The following HIVEP3 variants were observed in gnomAD, a reference collection of about 807,000 sequenced individuals.
HIVEP3 encodes HIVEP zinc finger 3.
A neutral mutation model predicts 152.8 loss-of-function variants in HIVEP3; 49 were observed. The observed-to-expected ratio is 0.32, with a 90% CI of 0.26 to 0.41. The LOEUF (loss-of-function observed/expected upper bound fraction) is 0.41. Ranked by LOEUF, HIVEP3 falls within the 10% of genes least tolerant of loss-of-function variation. HIVEP3 has a pLI of 1.00. For synonymous variants in HIVEP3, 1,269 were observed against 1,289.0 expected (o/e 0.98, Z 0.33); for missense variants, 2,790 against 3,103.3 (o/e 0.90, Z 2.40).
At chr1:41,551,830 G>A (rs1426882478) in intron 5 of HIVEP3, among the ~76,000 whole-genome samples, 8 of 151,974 alleles carry the variant, frequency 5.3e-5, no homozygotes, top group Non-Finnish European at 7.4e-5. Flanking sequence ...AAAACACCAG[G>A]TCCTGGATTC....
rs1354052617 is a variant in HIVEP3, at chr1:41,533,299, G to T, written c.5208-8389C>A. On this transcript the variant is annotated intron_variant, in intron 5 of 8. Transcript: ENST00000372583. The surrounding 1 kb of genome is among the most constrained non-coding windows in gnomAD (Gnocchi z 4.3). Reference sequence around the variant, plus strand: ...GGGTCCAGCTCCTCCTGCGGTGCCAGAGCCCACCCCACCCACTGTCCTCTC... The same window carrying T: ...GGGTCCAGCTCCTCCTGCGGTGCCATAGCCCACCCCACCCACTGTCCTCTC... Among the ~76,000 whole-genome samples, 1 of 152,068 alleles carries T rather than the reference G, an allele frequency of 6.6e-6. No individual in the cohort carries two copies. Among genetic ancestry groups the T allele is most frequent in the Non-Finnish European group, 1.5e-5 (1 of 68,016 alleles).
chr1:41,853,208 T>C (rs1643652692), intron 1 of HIVEP3, among the ~76,000 whole-genome samples: 1 of 152,200 alleles, frequency 6.6e-6, no homozygotes, highest in African/African-American at 2.4e-5. Flanking sequence ...GTTGCTATGA[T>C]GTAATGAGGG....
At chr1:41,769,431 GGGCACATCCCAT>G (rs1570496559) in intron 1 of HIVEP3, among the ~76,000 whole-genome samples, 1 of 152,082 alleles carries the variant, frequency 6.6e-6, no homozygotes, top group East Asian at 1.9e-4. Context: ...AAGAAATCTA[GGGCACATCCCAT>G]GATGTTTTCC....
chr1:41,529,258 T>C, intron 5 of HIVEP3, among the ~76,000 whole-genome samples: 1 of 76,824 alleles, frequency 1.3e-5, no homozygotes, highest in Non-Finnish European at 2.4e-5. Flanking sequence ...ACACTTACCT[T>C]CACACTCACA....
chr1:41,845,845 T>G (rs1292322029), intron 1 of HIVEP3, among the ~76,000 whole-genome samples: 2 of 152,152 alleles, frequency 1.3e-5, no homozygotes, highest in Admixed American at 6.5e-5. Flanking sequence ...GGCAGGTGGA[T>G]CACCTGAGGT....
At chr1:41,727,483 C>A (rs1434718568) in intron 1 of HIVEP3, among the ~76,000 whole-genome samples, 1 of 152,196 alleles carries the variant, frequency 6.6e-6, no homozygotes, top group Non-Finnish European at 1.5e-5. Flanking sequence ...TGGGGGGACA[C>A]TGCCAGACGG....
intron 1 of HIVEP3, among the ~76,000 whole-genome samples, chr1:41,828,941 C>T (rs986141805): frequency 6.6e-6 from 1 of 152,240 alleles, no homozygotes; most frequent in African/African-American, 2.4e-5. Flanking sequence ...TCAGAATTTA[C>T]AGTAAAAATC....
At position 41,518,464 on chromosome 1, in the gene HIVEP3, G is replaced by A. The variant is rs1642670724; in HGVS notation, c.5408C>T (p.Ser1803Leu). The A allele has an allele frequency of 2.5e-6, 4 of 1,614,146 alleles. No homozygotes were observed. Among genetic ancestry groups the A allele is most frequent in the Non-Finnish European group, 3.4e-6 (4 of 1,179,972 alleles). ...TKGNLTKHMK[S>L]KAHSKKCQET... is the part of the protein sequence containing the mutation. ...TTGGCACTTTTTGCTGTGGGCCTTC[G>A]ACTTCATGTGCTTAGTCAGATTCCC... is the stretch of plus-strand genomic sequence containing the variant. The change falls in exon 7 of 9, where the codon TCG becomes TTG. Residue 1803 changes from serine (S) to leucine (L), a missense_variant. By Grantham distance (145) the Ser-to-Leu change is moderately radical. Coordinates refer to ENST00000372583, the MANE Select transcript of HIVEP3 (RefSeq NM_024503.5).
intron 1 of HIVEP3, among the ~76,000 whole-genome samples, chr1:41,780,177 T>C (rs1338448740): frequency 6.9e-6 from 1 of 144,260 alleles, no homozygotes; most frequent in African/African-American, 2.6e-5. Context: ...GGTCTCAAAG[T>C]GGGGGCCAAG....
At chr1:41,674,335 A>G (rs1297483414) in intron 2 of HIVEP3, among the ~76,000 whole-genome samples, 2 of 152,236 alleles carry the variant, frequency 1.3e-5, no homozygotes, top group East Asian at 3.8e-4. Flanking sequence ...TGTTTTGTGG[A>G]CACAAGGGAT....
chr1:41,971,226 A>G (rs1048597028), intron 1 of HIVEP3, among the ~76,000 whole-genome samples: 1 of 152,196 alleles, frequency 6.6e-6, no homozygotes, highest in Admixed American at 6.5e-5. Flanking sequence ...CACTTGGACC[A>G]CAGTAATCTG....
chr1:41,574,969 C>T (rs749480258), intron 5 of HIVEP3, among the ~76,000 whole-genome samples: 69 of 152,196 alleles, frequency 4.5e-4, no homozygotes, highest in Non-Finnish European at 8.2e-4. Context: ...AGTCAAGCAT[C>T]AAAGGTGAAT....
At chr1:41,563,613 G>A (rs1644116930) in intron 5 of HIVEP3, among the ~76,000 whole-genome samples, 2 of 152,224 alleles carry the variant, frequency 1.3e-5, no homozygotes, top group South Asian at 4.2e-4. Flanking sequence ...CGCCGTCAAA[G>A]AGCCTCACTC....
At chr1:41,669,197 G>C (rs1456650596) in intron 2 of HIVEP3, among the ~76,000 whole-genome samples, 1 of 152,182 alleles carries the variant, frequency 6.6e-6, no homozygotes, top group Admixed American at 6.5e-5. Context: ...ACCTGGCTGT[G>C]TCCTATTTAG....
At chr1:41,811,529 A>G (rs1419100369) in intron 1 of HIVEP3, among the ~76,000 whole-genome samples, 1 of 151,942 alleles carries the variant, frequency 6.6e-6, no homozygotes, top group Non-Finnish European at 1.5e-5. Flanking sequence ...TGTTAGGCAA[A>G]TGCTACCACA....
At chr1:41,546,840 T>G (rs1643814655) in intron 5 of HIVEP3, among the ~76,000 whole-genome samples, 1 of 152,214 alleles carries the variant, frequency 6.6e-6, no homozygotes. Flanking sequence ...CAGTGTCACT[T>G]GCAAATACTA....
intron 2 of HIVEP3, among the ~76,000 whole-genome samples, chr1:41,631,590 A>G (rs1645195531): frequency 6.6e-6 from 1 of 152,036 alleles, no homozygotes; most frequent in African/African-American, 2.4e-5. Context: ...CAGGTCACCG[A>G]TGCCCCCCTG....
intron 2 of HIVEP3, among the ~76,000 whole-genome samples, chr1:41,687,370 C>T (rs1193666517): frequency 1.3e-5 from 2 of 152,220 alleles, no homozygotes; most frequent in Admixed American, 6.5e-5. Flanking sequence ...TTCAAAGCCT[C>T]ATTTAATATC....
intron 1 of HIVEP3, among the ~76,000 whole-genome samples, chr1:41,900,135 T>C (rs991716418): frequency 2.0e-5 from 3 of 152,206 alleles, no homozygotes; most frequent in South Asian, 2.1e-4. Flanking sequence ...TGCTTAAGAA[T>C]AGCTGCCCAT....
Sources: allele counts gnomAD v4.1 joint callset (sites outside exome capture counted in the v4.1 genomes callset), GRCh38; gene constraint gnomAD v4.1.1; non-coding constraint Gnocchi (gnomAD v3.1); transcripts MANE v1.5; gene names NCBI Gene and HGNC (gene_info 2026-07-23, HGNC 2026-07-21).